The following LINGO2 variants were observed in gnomAD, a reference collection of about 807,000 sequenced individuals.
LINGO2 encodes the protein leucine rich repeat and Ig domain containing 2, also known as leucine-rich repeat and immunoglobulin-like domain-containing nogo receptor-interacting protein 2.
In LINGO2, 14 loss-of-function variants were observed where a neutral mutation model predicts 30.6. The ratio of observed to expected loss-of-function variants is 0.46; its 90% CI spans 0.30 to 0.72. LINGO2 has a LOEUF of 0.72. Ranked by LOEUF, LINGO2 falls within the 30% of genes least tolerant of loss-of-function variation. The probability of loss-of-function intolerance (pLI) is 0.07; values close to 1 mark genes in which losing one functional copy is unlikely to be tolerated. For missense variants in LINGO2, 729 were observed against 751.7 expected (o/e 0.97, Z 0.35); for synonymous variants, 317 against 288.5 (o/e 1.10, Z -1.00).
At chr9:28,797,146 G>T in the LINGO2 span, among the ~76,000 whole-genome samples, 2 of 151,294 alleles carry the variant, frequency 1.3e-5, no homozygotes, top group African/African-American at 4.8e-5. Flanking sequence ...TTGAATAAAC[G>T]ATGAACTGCT....
At chr9:29,046,622 A>C in the LINGO2 span, among the ~76,000 whole-genome samples, 1 of 152,166 alleles carries the variant, frequency 6.6e-6, no homozygotes, top group Admixed American at 6.6e-5. Flanking sequence ...TACATGTAAA[A>C]CCCAAAACTA....
At chr9:28,370,232 C>G (rs897626180) in intron 3 of LINGO2, among the ~76,000 whole-genome samples, 2 of 152,302 alleles carry the variant, frequency 1.3e-5, no homozygotes, top group Admixed American at 6.5e-5. Flanking sequence ...TAGGCATTCT[C>G]TATTCTCTTC....
chr9:28,598,128 T>G (rs1440469191), intron 1 of LINGO2, among the ~76,000 whole-genome samples: 1 of 152,130 alleles, frequency 6.6e-6, no homozygotes, highest in African/African-American at 2.4e-5. Context: ...TAGACAGCTA[T>G]GATAACTAAT....
exon 6 of LINGO2, chr9:27,950,388 T>A (rs761477487): frequency 2.5e-6 from 4 of 1,614,156 alleles, no homozygotes; most frequent in African/African-American, 1.3e-5. Flanking sequence ...TGGTTCCACA[T>A]TGGCAATGAT....
upstream of LINGO2, among the ~76,000 whole-genome samples, chr9:28,674,642 T>C (rs1293725386): frequency 1.3e-5 from 2 of 152,180 alleles, no homozygotes; most frequent in Non-Finnish European, 2.9e-5. Context: ...AAACATATAC[T>C]ATATGACATC....
At chr9:28,569,693 GGAGATCTAACATACA>G (rs1823575808) in intron 1 of LINGO2, among the ~76,000 whole-genome samples, 1 of 151,874 alleles carries the variant, frequency 6.6e-6, no homozygotes, top group Non-Finnish European at 1.5e-5. Context: ...AATAATTTCA[GGAGATCTAACATACA>G]GCATGGTTAC....
At chr9:28,275,527 C>G (rs1823086736) in intron 4 of LINGO2, among the ~76,000 whole-genome samples, 1 of 152,134 alleles carries the variant, frequency 6.6e-6, no homozygotes, top group South Asian at 2.1e-4. Flanking sequence ...ACCTTTTTAA[C>G]ACTCTTAACT....
chr9:28,559,950 T>C (rs1822953811), intron 1 of LINGO2, among the ~76,000 whole-genome samples: 1 of 151,930 alleles, frequency 6.6e-6, no homozygotes, highest in Non-Finnish European at 1.5e-5. Flanking sequence ...TTCTCCAACA[T>C]CTGTACATAG....
At chr9:28,780,717 T>A in the LINGO2 span, among the ~76,000 whole-genome samples, 1 of 152,120 alleles carries the variant, frequency 6.6e-6, no homozygotes, top group South Asian at 2.1e-4. Flanking sequence ...TTTCTAGTTT[T>A]ACTGTTCCTG....
chr9:27,959,961 C>T (rs1205484375), intron 5 of LINGO2, among the ~76,000 whole-genome samples: 1 of 152,086 alleles, frequency 6.6e-6, no homozygotes, highest in African/African-American at 2.4e-5. Context: ...ATATTAAGCA[C>T]ATGCTCGATT....
chr9:28,661,604 A>G (rs972253793), intron 1 of LINGO2, among the ~76,000 whole-genome samples: 2 of 152,214 alleles, frequency 1.3e-5, no homozygotes, highest in Non-Finnish European at 2.9e-5. Flanking sequence ...TAACCTGGAT[A>G]TAATTCTGTA....
intron 2 of LINGO2, among the ~76,000 whole-genome samples, chr9:28,454,527 G>A (rs1824769716): frequency 6.6e-6 from 1 of 151,956 alleles, no homozygotes; most frequent in Non-Finnish European, 1.5e-5. Context: ...AGAAAAGTAA[G>A]TCTCAAATGT....
At chr9:28,636,850 C>A (rs1192463688) in intron 1 of LINGO2, among the ~76,000 whole-genome samples, 1 of 152,138 alleles carries the variant, frequency 6.6e-6, no homozygotes. Flanking sequence ...TCAATTTTGG[C>A]TTTTGTTGCC....
intron 1 of LINGO2, among the ~76,000 whole-genome samples, chr9:28,561,054 A>G (rs191388456): frequency 1.3e-5 from 2 of 152,222 alleles, no homozygotes; most frequent in Admixed American, 1.3e-4. Context: ...TCCAAACAAA[A>G]TTGCCAGCTC....
chr9:28,571,946 C>T (rs1463631204), intron 1 of LINGO2, among the ~76,000 whole-genome samples: 1 of 151,986 alleles, frequency 6.6e-6, no homozygotes, highest in African/African-American at 2.4e-5. Flanking sequence ...GGGCAGGAAA[C>T]TATAAGATAG....
intron 1 of LINGO2, among the ~76,000 whole-genome samples, chr9:28,596,707 A>G (rs1373643358): frequency 1.3e-5 from 2 of 152,244 alleles, no homozygotes; most frequent in East Asian, 1.9e-4. Flanking sequence ...CAATGCCTTT[A>G]GCATAAAACT....
intron 4 of LINGO2, among the ~76,000 whole-genome samples, chr9:28,206,128 G>T (rs1401034920): frequency 7.7e-6 from 1 of 129,526 alleles, no homozygotes; most frequent in Non-Finnish European, 1.5e-5. Context: ...TCATGCCACT[G>T]CATTCCAGCC....
chr9:28,927,310 G>A, the LINGO2 span, among the ~76,000 whole-genome samples: 1 of 152,148 alleles, frequency 6.6e-6, no homozygotes, highest in Non-Finnish European at 1.5e-5. Context: ...TTAAGTGTTA[G>A]GGGCATTGTG....
chr9:28,508,589 G>A (rs904606067), intron 1 of LINGO2, among the ~76,000 whole-genome samples: 1 of 151,524 alleles, frequency 6.6e-6, no homozygotes, highest in Non-Finnish European at 1.5e-5. Flanking sequence ...TCTAACTACT[G>A]GAATTAGTCT....
Sources: gnomAD v4.1 joint callset for allele counts (sites outside exome capture counted in the v4.1 genomes callset) on GRCh38, gnomAD v4.1.1 for gene constraint, MANE v1.5 for transcripts, NCBI Gene and HGNC (gene_info 2026-07-23, HGNC 2026-07-21) for gene names.